The following SH3RF2 variants were observed in gnomAD, a reference collection of about 807,000 sequenced individuals.
SH3RF2 encodes E3 ubiquitin-protein ligase SH3RF2.
In SH3RF2, 43 loss-of-function variants were observed where a neutral mutation model predicts 59.0. The ratio of observed to expected loss-of-function variants is 0.73; its 90% CI spans 0.57 to 0.94. The LOEUF (loss-of-function observed/expected upper bound fraction) is 0.94. SH3RF2 is among the 40% of genes least tolerant of loss of function. The probability of loss-of-function intolerance (pLI) is 0.00; values close to 1 mark genes in which losing one functional copy is unlikely to be tolerated. For missense variants in SH3RF2, 930 were observed against 940.1 expected (o/e 0.99, Z 0.14); for synonymous variants, 391 against 391.5 (o/e 1.00, Z 0.01).
At chr5:146,065,379 A>G (rs531666760), downstream of SH3RF2, among the ~76,000 whole-genome samples, 6 of 152,298 alleles carry the variant, frequency 3.9e-5, no homozygotes, top group East Asian at 3.9e-4. Context: ...AGCACTCTCA[A>G]TGAGTTTAGC....
exon 10 of SH3RF2, chr5:146,079,698 GCCATC>G (rs1580965679): frequency 6.6e-6 from 1 of 152,198 alleles, no homozygotes; most frequent in East Asian, 1.9e-4. Context: ...TAAACAGGCA[GCCATC>G]TTTTAATGCG....
At chr5:146,041,299 T>G (rs1762117557) in intron 5 of SH3RF2, among the ~76,000 whole-genome samples, 1 of 151,902 alleles carries the variant, frequency 6.6e-6, no homozygotes, top group African/African-American at 2.4e-5. Context: ...GTCCTGATCT[T>G]CCCCGACCCC....
chr5:145,992,329 T>C (rs551363288), intron 2 of SH3RF2, among the ~76,000 whole-genome samples: 3 of 152,182 alleles, frequency 2.0e-5, no homozygotes, highest in East Asian at 3.9e-4. Flanking sequence ...GCCAAGACCA[T>C]GACACTGCAC....
At chr5:146,022,164 A>G (rs1167352660) in intron 5 of SH3RF2, among the ~76,000 whole-genome samples, 1 of 152,178 alleles carries the variant, frequency 6.6e-6, no homozygotes, top group Non-Finnish European at 1.5e-5. Flanking sequence ...GGCCAATCTT[A>G]TTTCAGATAT....
intron 5 of SH3RF2, among the ~76,000 whole-genome samples, chr5:146,037,477 G>A (rs1243228494): frequency 2.6e-5 from 4 of 152,050 alleles, no homozygotes; most frequent in African/African-American, 9.7e-5. Context: ...ATGATGTATG[G>A]GGGGTCCGCA....
intron 2 of SH3RF2, among the ~76,000 whole-genome samples, chr5:145,981,267 T>C (rs528142299): frequency 2.0e-5 from 3 of 152,166 alleles, no homozygotes; most frequent in South Asian, 2.1e-4. Flanking sequence ...GCTAATTTTT[T>C]TGGCTATTTT....
At chr5:145,997,595 AG>A (rs1760219567) in intron 2 of SH3RF2, 1 of 1,604,916 alleles carries the variant, frequency 6.2e-7, no homozygotes, top group Admixed American at 1.7e-5. Context: ...CAGCGAGAAA[AG>A]GTTTTAAGTT....
At chr5:145,937,410 G>A (rs1757629842) in intron 1 of SH3RF2, among the ~76,000 whole-genome samples, 2 of 151,938 alleles carry the variant, frequency 1.3e-5, no homozygotes, top group South Asian at 4.1e-4. Flanking sequence ...TTAGATTTAG[G>A]GGAAGGAGGA....
chr5:146,022,922 C>A (rs973661163), intron 5 of SH3RF2, among the ~76,000 whole-genome samples: 1 of 137,626 alleles, frequency 7.3e-6, no homozygotes, highest in African/African-American at 2.7e-5. Flanking sequence ...CACACACACA[C>A]AATTCCTTAA....
At chr5:145,960,020 C>CATGT (rs1395345543) in intron 2 of SH3RF2, among the ~76,000 whole-genome samples, 1 of 152,092 alleles carries the variant, frequency 6.6e-6, no homozygotes, top group Non-Finnish European at 1.5e-5. Context: ...CTATTCTGGG[C>CATGT]ATGTATGTAT....
downstream of SH3RF2, among the ~76,000 whole-genome samples, chr5:146,064,782 AGGAAGGAAGGAAGG>A (rs1561773687): frequency 9.6e-4 from 16 of 16,728 alleles, no homozygotes; most frequent in African/African-American, 3.0e-3. Context: ...AAGGAAAGGA[AGGAAGGAAGGAAGG>A]AAGGAAGGAA....
chr5:145,993,399 G>A lies in SH3RF2; in HGVS notation c.379-6659G>A, dbSNP rs916576244. Among the ~76,000 whole-genome samples the A allele has an allele frequency of 1.8e-4, 28 of 152,320 alleles. 1 individual carries two copies. Among genetic ancestry groups the A allele is most frequent in the Admixed American group, 1.8e-3 (27 of 15,308 alleles). The stretch of plus-strand genomic sequence containing the variant: ...CAGTGCCCTAGTAGGGACTCTGTGG[G>A]GGGGCTCTGACCTCACATTTTCCTT... On this transcript the variant is annotated intron_variant, in intron 2 of 9. Coordinates refer to ENST00000359120, the MANE Select transcript of SH3RF2 (RefSeq NM_152550.4).
downstream of SH3RF2, among the ~76,000 whole-genome samples, chr5:146,064,853 AAAG>A: frequency 5.0e-5 from 1 of 19,886 alleles, no homozygotes; most frequent in Non-Finnish European, 3.7e-4. Context: ...AGAAAGAAAG[AAAG>A]AAAGAAAGAG....
chr5:146,073,878 G>A (rs773069967), intron 9 of SH3RF2, among the ~76,000 whole-genome samples: 1 of 152,196 alleles, frequency 6.6e-6, no homozygotes, highest in South Asian at 2.1e-4. Context: ...GCTATATTAC[G>A]TAGGGTGGCC....
At chr5:145,967,887 T>C (rs879675377) in intron 2 of SH3RF2, among the ~76,000 whole-genome samples, 6 of 152,170 alleles carry the variant, frequency 3.9e-5, no homozygotes, top group Non-Finnish European at 7.4e-5. Flanking sequence ...CTCAAACTCC[T>C]GACCTCAAGT....
At chr5:145,949,549 C>G (rs975616493) in intron 2 of SH3RF2, among the ~76,000 whole-genome samples, 1 of 152,180 alleles carries the variant, frequency 6.6e-6, no homozygotes, top group Non-Finnish European at 1.5e-5. Flanking sequence ...CTTCCCTTCC[C>G]AGCTCTCTGG....
chr5:145,980,491 A>C (rs958534423), intron 2 of SH3RF2, among the ~76,000 whole-genome samples: 8 of 152,196 alleles, frequency 5.3e-5, no homozygotes, highest in African/African-American at 1.9e-4. Context: ...TCATTTATTT[A>C]ATCCACAACA....
chr5:146,024,618 C>G (rs1343424222), intron 5 of SH3RF2, among the ~76,000 whole-genome samples: 3 of 152,246 alleles, frequency 2.0e-5, no homozygotes, highest in East Asian at 3.9e-4. Flanking sequence ...ATCTAAAAAC[C>G]AGTGTCTAAT....
At chr5:145,946,754 G>A (rs1758017863) in intron 2 of SH3RF2, among the ~76,000 whole-genome samples, 1 of 152,082 alleles carries the variant, frequency 6.6e-6, no homozygotes, top group African/African-American at 2.4e-5. Context: ...CTTTGATCTT[G>A]AGAGAAACAC....
Sources: gnomAD v4.1 joint callset for allele counts (sites outside exome capture counted in the v4.1 genomes callset) on GRCh38, gnomAD v4.1.1 for gene constraint, MANE v1.5 for transcripts, NCBI Gene and HGNC (gene_info 2026-07-23, HGNC 2026-07-21) for gene names.